The following MRPL9 variants were observed in gnomAD, a reference collection of about 807,000 sequenced individuals.
MRPL9 encodes large ribosomal subunit protein bL9m.
In MRPL9, 25 loss-of-function variants were observed where a neutral mutation model predicts 27.6. The observed-to-expected ratio is 0.91, with a 90% CI of 0.66 to 1.27. The LOEUF is 1.27. Among genes scored for constraint, MRPL9 ranks in the 50% most tolerant of loss-of-function variants. The pLI is 0.00. For synonymous variants in MRPL9, 154 were observed against 139.0 expected (o/e 1.11, Z -0.76); for missense variants, 362 against 338.0 (o/e 1.07, Z -0.56).
At chr1:151,761,639 G>T in intron 4 of MRPL9, 87 bp from the exon 5 acceptor site, 1 of 1,007,760 alleles carries the variant, frequency 9.9e-7, no homozygotes, top group South Asian at 1.4e-5. Context: ...GCTCATGCCT[G>T]TAATCCCAGC....
rs185248898 is a variant in MRPL9 at position 151,760,237 on chromosome 1, A to G, written c.673-56T>C. 96 of 1,605,856 alleles carry G rather than the reference A, an allele frequency of 6.0e-5. No homozygotes were observed. In the East Asian group the frequency reaches 2.0e-3, roughly 33 times the overall value. ...ATCAGTCAGGTAAGTAAGATTTAGC[A>G]CCACCTAATCCCAGCTTTTCACCCT... On this transcript the variant is annotated intron_variant, in intron 6 of 6. Coordinates refer to ENST00000368830, the MANE Select transcript of MRPL9 (RefSeq NM_031420.4).
At chr1:151,763,180 C>T in intron 1 of MRPL9, 34 bp from the exon 2 acceptor site, 1 of 1,603,752 alleles carries the variant, frequency 6.2e-7, no homozygotes, top group Non-Finnish European at 8.5e-7. Flanking sequence ...AAGCTAGTCT[C>T]CACAAGGAAC....
Position 151,760,903 on chromosome 1 carries a change from C to CAAAAAAAAAAAAAAAAAAAAAAAAAAAAA in MRPL9, c.589-5_589-4insTTTTTTTTTTTTTTTTTTTTTTTTTTTTT, listed in dbSNP as rs755031728. On this transcript the variant is annotated splice_polypyrimidine_tract_variant and splice_region_variant and intron_variant, in intron 5 of 6. Coordinates refer to ENST00000368830, the MANE Select transcript of MRPL9 (RefSeq NM_031420.4). ...GTGGGGCAACCACAACACCAAGCTG[C>CAAAAAAAAAAAAAAAAAAAAAAAAAAAAA]AAAAAAAAAAAAAAAAAAAAAAATC... 1.6e-5 allele frequency: 15 copies of CAAAAAAAAAAAAAAAAAAAAAAAAAAAAA among 953,910 alleles called. No homozygotes were observed. The highest frequency in any genetic ancestry group is 1.1e-4 in the South Asian group (5 of 45,522). 59.1% of individuals were successfully genotyped at this position (953,910 alleles called of 1,614,324 possible). A position where few individuals can be genotyped will look rare whatever the true frequency, so the allele number is the denominator to read the frequency against.
At chr1:151,761,828 C>G in intron 4 of MRPL9, 1 of 586,408 alleles carries the variant, frequency 1.7e-6, no homozygotes, top group South Asian at 2.1e-5. Context: ...CCAACTTGTA[C>G]GTAAATATCC....
At chr1:151,763,213 GCCAGCCCCTCAAGGAAAGCCCGCCA>G in intron 1 of MRPL9, 67 bp from the exon 2 acceptor site, 1 of 1,557,484 alleles carries the variant, frequency 6.4e-7, no homozygotes, top group Non-Finnish European at 8.7e-7. Context: ...CACCACGGCC[GCCAGCCCCTCAAGGAAAGCCCGCCA>G]CCCCCACATC....
At chr1:151,762,634 T>C in intron 2 of MRPL9, 134 bp from the exon 3 acceptor site, 1 of 905,018 alleles carries the variant, frequency 1.1e-6, no homozygotes, top group East Asian at 2.6e-5. Flanking sequence ...TCATATTCAC[T>C]AGGAACAAGA....
Position 151,762,492 on chromosome 1 carries a change from C to A in MRPL9, c.319G>T (p.Val107Phe). Residue 107 changes from valine to phenylalanine, a missense_variant, in exon 3 of 7, where the codon GTC (valine) becomes TTC (phenylalanine). Transcript: ENST00000368830. The stretch of plus-strand genomic sequence containing the variant: ...TTCACTGAGACCAGGTCACCCCGGA[C>A]TCCAACATCTGTCAATTAGAACAGA... ...ILTQSVENVG[V>F]RGDLVSVKKS... The A allele has an allele frequency of 6.2e-7, 1 of 1,613,980 alleles. No homozygotes were observed. The highest frequency in any genetic ancestry group is 2.2e-5 in the East Asian group (1 of 44,884).
At position 151,762,986 on chromosome 1, in the gene MRPL9, T is replaced by C. The variant is rs756615903; in HGVS notation, c.310+4A>G. On this transcript the variant is annotated splice_donor_region_variant and intron_variant, in intron 2 of 6. Transcript: ENST00000368830. Reference sequence around the variant, plus strand: ...GAGAGGAAGCGCCTCGGCCCGGGCCTTACTCTCCACCGACTGCGTCAGGAT... The same window carrying C: ...GAGAGGAAGCGCCTCGGCCCGGGCCCTACTCTCCACCGACTGCGTCAGGAT... 6.2e-7 allele frequency: 1 copy of C among 1,613,764 alleles called. No homozygotes were observed. The highest frequency in any genetic ancestry group is 8.5e-7 in the Non-Finnish European group (1 of 1,179,848).
chr1:151,762,961 G>A, intron 2 of MRPL9, 29 bp downstream of exon 2: 1 of 1,608,722 alleles, frequency 6.2e-7, no homozygotes, highest in Non-Finnish European at 8.5e-7. Context: ...GGACCAGCCT[G>A]AGAGGAAGCG....
chr1:151,761,205 T>G (rs970812808), intron 5 of MRPL9, among the ~76,000 whole-genome samples: 1 of 152,228 alleles, frequency 6.6e-6, no homozygotes, highest in Non-Finnish European at 1.5e-5. Flanking sequence ...ATCCCCAGCA[T>G]TTCCCTAGGT....
rs755031728 is a variant in MRPL9 at position 151,760,903 on chromosome 1, C to CAAAAAAAAAAAAAAAA, written c.589-20_589-5dup. 3.0e-3 allele frequency: 2,883 copies of CAAAAAAAAAAAAAAAA among 950,416 alleles called. 32 individuals carry two copies. Among genetic ancestry groups the CAAAAAAAAAAAAAAAA allele is most frequent in the Non-Finnish European group, 3.2e-3 (2,366 of 733,592 alleles). The allele number at this position is 950,416 out of a possible 1,614,324, so 58.9% of individuals were successfully genotyped here. Reference sequence around the variant, plus strand: ...GTGGGGCAACCACAACACCAAGCTGCAAAAAAAAAAAAAAAAAAAAAAATC... The same window carrying CAAAAAAAAAAAAAAAA: ...GTGGGGCAACCACAACACCAAGCTGCAAAAAAAAAAAAAAAAAAAAAAAAAAAAAAAAAAAAAAATC... On this transcript the variant is annotated splice_polypyrimidine_tract_variant and splice_region_variant and intron_variant, in intron 5 of 6. Transcript: ENST00000368830.
intron 5 of MRPL9, 97 bp downstream of exon 5, chr1:151,761,354 T>C: frequency 1.2e-6 from 1 of 846,864 alleles, no homozygotes; most frequent in Middle Eastern, 2.2e-4. Flanking sequence ...AACTGGATGA[T>C]CACACCCCTT....
rs572633637 is a variant in MRPL9 at position 151,760,840 on chromosome 1, C to A, written c.648G>T (p.Trp216Cys). ...LKLPEEPITR[W>C]GEYWCEVTVN... ...CCGTCACCTCACACCAATACTCGCCCCACCGTGTGATAGGCTCTTCTGGTA... is the reference window on the plus strand; with the variant it reads ...CCGTCACCTCACACCAATACTCGCCACACCGTGTGATAGGCTCTTCTGGTA... Residue 216 changes from tryptophan (W) to cysteine (C), a missense_variant, in exon 6 of 7, where the codon TGG becomes TGT. Transcript: ENST00000368830. 6.5e-5 allele frequency: 104 copies of A among 1,597,386 alleles called. 1 individual carries two copies. The South Asian group carries it at 1.1e-3, about 17-fold the overall frequency.
intron 3 of MRPL9, 64 bp downstream of exon 3, chr1:151,762,312 A>G (rs1648127286): frequency 6.2e-7 from 1 of 1,606,094 alleles, no homozygotes; most frequent in African/African-American, 1.3e-5. Context: ...GTCAAAGGGA[A>G]GGAAGCTGCA....
In MRPL9 at chr1:151,762,379, T is replaced by TTTC. The variant is rs1236074057; in HGVS notation, c.429_431dup (p.Lys144dup). ...TCTGTCCTTCCTTTGAGCTCACCAATTTCTCCTCTTCAAACAGCTTCTTGT... is the reference window on the plus strand; with the variant it reads ...TCTGTCCTTCCTTTGAGCTCACCAATTTCTTCTCCTCTTCAAACAGCTTCTTGT... On this transcript the variant is annotated inframe_insertion, in exon 3 of 7. Transcript: ENST00000368830. 1 of 1,614,030 alleles carries TTTC rather than the reference T, an allele frequency of 6.2e-7. No individual in the cohort carries two copies. The highest frequency in any genetic ancestry group is 8.5e-7 in the Non-Finnish European group (1 of 1,180,032).
Position 151,760,576 on chromosome 1 carries a change from CAAA to C in MRPL9, c.672+237_672+239del, listed in dbSNP as rs11454049. Among the ~76,000 whole-genome samples the C allele has an allele frequency of 6.8e-3, 341 of 50,312 alleles. 1 individual carries two copies. The highest frequency in any genetic ancestry group is 0.028 in the African/African-American group (321 of 11,470). The allele number at this position is 50,312 out of a possible 152,430, so 33.0% of individuals were successfully genotyped here. A position where few individuals can be genotyped will look rare whatever the true frequency, so the allele number is the denominator to read the frequency against. Reference sequence around the variant, plus strand: ...TGGGCAACAGAGTGAGACTCCAGCTCAAAAAAAAAAAAAAAAAAAAAAAAATTA... The same window carrying C: ...TGGGCAACAGAGTGAGACTCCAGCTCAAAAAAAAAAAAAAAAAAAAAATTA... On this transcript the variant is annotated intron_variant, in intron 6 of 6. Transcript: ENST00000368830.
intron 2 of MRPL9, 151 bp downstream of exon 2, chr1:151,762,837 TCA>T: frequency 1.0e-6 from 1 of 960,488 alleles, no homozygotes; most frequent in African/African-American, 1.6e-5. Context: ...AGTGTCACAA[TCA>T]CAATAGTTTT....
chr1:151,762,469 C>T lies in MRPL9; in HGVS notation c.342G>A (p.Val114=), dbSNP rs756955772. ...NVGVRGDLVS[V]KKSLGRNRLL... is the part of the protein sequence containing the mutation. ...GTCGATTCCGGCCTAAAGATTTCTT[C>T]ACTGAGACCAGGTCACCCCGGACTC... Residue 114 remains valine (V), a synonymous_variant, in exon 3 of 7, where the codon GTG becomes GTA. Coordinates refer to ENST00000368830, the MANE Select transcript of MRPL9 (RefSeq NM_031420.4). 5.6e-6 allele frequency: 9 copies of T among 1,614,036 alleles called. No individual in the cohort carries two copies. Among genetic ancestry groups the T allele is most frequent in the Non-Finnish European group, 7.6e-6 (9 of 1,180,018 alleles).
chr1:151,760,964 T>C, intron 5 of MRPL9, 65 bp from the exon 6 acceptor site: 1 of 1,394,860 alleles, frequency 7.2e-7, no homozygotes. Context: ...TGACTGCCAC[T>C]CTAGGGAACC....
Sources: allele counts gnomAD v4.1 joint callset (sites outside exome capture counted in the v4.1 genomes callset), GRCh38; gene constraint gnomAD v4.1.1; transcripts MANE v1.5; gene names NCBI Gene and HGNC (gene_info 2026-07-23, HGNC 2026-07-21).